Variants in CIBAR1 observed in about 807,000 individuals in gnomAD.
CIBAR1 encodes CBY1 interacting BAR domain containing 1, also known as CBY1-interacting BAR domain-containing protein 1.
In CIBAR1, 25 loss-of-function variants were observed where a neutral mutation model predicts 44.0. The observed-to-expected ratio is 0.57, with a 90% CI of 0.41 to 0.79. The LOEUF is 0.79. CIBAR1 is among the 30% of genes least tolerant of loss of function. CIBAR1 has a pLI of 0.00. For synonymous variants in CIBAR1, 115 were observed against 119.0 expected, an observed-to-expected ratio of 0.97 and a Z score of 0.22; for missense variants, 278 against 344.8, an observed-to-expected ratio of 0.81 and a Z score of 1.53.
chr8:93,702,382 A>C (rs971335985), intron 2 of CIBAR1: 1 of 387,952 alleles, frequency 2.6e-6, no homozygotes, highest in Non-Finnish European at 5.1e-6. Flanking sequence ...TTATATTCAC[A>C]GGTAATCCTA....
At chr8:93,701,184 T>C in intron 1 of CIBAR1, 40 bp from the exon 2 acceptor site, 1 of 1,585,194 alleles carries the variant, frequency 6.3e-7, no homozygotes, top group Non-Finnish European at 8.6e-7. Context: ...TTCTCATCTC[T>C]AACGAGAATG....
chr8:93,727,082 C>T (rs1477161772), intron 8 of CIBAR1: 6 of 625,508 alleles, frequency 9.6e-6, no homozygotes, highest in Non-Finnish European at 1.6e-5. Flanking sequence ...TTAAGTAACA[C>T]ATAAAGCAGT....
Position 93,728,597 on chromosome 8 carries a change from A to G in CIBAR1, c.*300A>G, listed in dbSNP as rs1401019205. 1 of 188,466 alleles carries G rather than the reference A, an allele frequency of 5.3e-6. No individual in the cohort carries two copies. Among genetic ancestry groups the G allele is most frequent in the Non-Finnish European group, 1.1e-5 (1 of 92,490 alleles). 11.7% of individuals were successfully genotyped at this position (188,466 alleles called of 1,614,324 possible). A position where few individuals can be genotyped will look rare whatever the true frequency, so the allele number is the denominator to read the frequency against. ...TATCTACTTGAAGTTCCAATAGTAC[A>G]TTATGACAGAAACCAAAAGATCTAA... On this transcript the variant is annotated 3_prime_UTR_variant, in exon 9 of 9. Coordinates refer to ENST00000518322, the MANE Select transcript of CIBAR1 (RefSeq NM_145269.5).
chr8:93,703,277 G>A (rs1226941013), intron 2 of CIBAR1, among the ~76,000 whole-genome samples: 1 of 152,182 alleles, frequency 6.6e-6, no homozygotes, highest in Non-Finnish European at 1.5e-5. Flanking sequence ...TTACAGTTCA[G>A]AGATAATATA....
At chr8:93,718,278 T>C (rs1018413465) in intron 6 of CIBAR1, among the ~76,000 whole-genome samples, 6 of 152,260 alleles carry the variant, frequency 3.9e-5, no homozygotes, top group African/African-American at 1.4e-4. Flanking sequence ...GTTCTCCTGT[T>C]TAAACATCAG....
Position 93,705,001 on chromosome 8 carries a change from A to C in CIBAR1, c.423A>C (p.Arg141=). The C allele has an allele frequency of 6.2e-7, 1 of 1,611,006 alleles. No individual in the cohort carries two copies. ...CACGTCAGCGAAACCCATCTGATCG[A>C]CATGTTATTGTATCCTTTGAATTTG... The part of the protein sequence containing the change: ...ERTRQRNPSD[R]HVISQAETEL... The change falls in exon 4 of 9, where the codon CGA becomes CGC. Residue 141 remains arginine (R), a synonymous_variant. Coordinates refer to ENST00000518322, the MANE Select transcript of CIBAR1 (RefSeq NM_145269.5).
chr8:93,718,717 G>T lies in CIBAR1; in HGVS notation c.586G>T (p.Gly196Cys). The T allele has an allele frequency of 6.4e-7, 1 of 1,561,578 alleles. No homozygotes were observed. Among genetic ancestry groups the T allele is most frequent in the South Asian group, 1.2e-5 (1 of 81,864 alleles). Residue 196 changes from glycine to cysteine, a missense_variant, in exon 7 of 9, where the codon GGC (glycine) becomes TGC (cysteine). Physicochemically the swap from Gly to Cys is radical, Grantham distance 159. Coordinates refer to ENST00000518322, the MANE Select transcript of CIBAR1 (RefSeq NM_145269.5). Reference protein sequence around the residue: ...EFITIEMLFHGKALEVYTAAY... With the variant: ...EFITIEMLFHCKALEVYTAAY... ...TATCACAATCGAAATGTTATTTCAC[G>T]GCAAAGCTTTAGAGGTCTACACTGC...
chr8:93,701,406 T>A lies in CIBAR1; in HGVS notation c.209T>A (p.Leu70Gln), dbSNP rs767629986. Residue 70 changes from leucine (L) to glutamine (Q), a missense_variant, in exon 2 of 9, where the codon CTG becomes CAG. This residue lies in a region of CIBAR1 where 183 missense variants were observed against 218.6 expected (regional missense o/e 0.84). Coordinates refer to ENST00000518322, the MANE Select transcript of CIBAR1 (RefSeq NM_145269.5). Reference protein sequence around the residue: ...ATETPHLKLGLMNFADEFAKL... With the variant: ...ATETPHLKLGQMNFADEFAKL... The stretch of plus-strand genomic sequence containing the variant: ...GAGACCCCGCATTTAAAGCTGGGCC[T>A]GATGAACTTTGCAGATGAGTTTGCC... The A allele has an allele frequency of 1.9e-6, 3 of 1,613,748 alleles. No homozygotes were observed. The Admixed American group carries it at 5.0e-5, about 27-fold the overall frequency.
At chr8:93,701,820 G>A (rs1257775449) in intron 2 of CIBAR1, 6 of 229,054 alleles carry the variant, frequency 2.6e-5, no homozygotes, top group African/African-American at 4.6e-5. Flanking sequence ...AATGACTGGA[G>A]ATGGAAATGT....
chr8:93,713,251 G>A (rs563187546), intron 6 of CIBAR1, among the ~76,000 whole-genome samples: 306 of 151,212 alleles, frequency 2.0e-3, no homozygotes, highest in African/African-American at 7.1e-3. Context: ...CAGGCTGGTC[G>A]TGAACTCCTG....
At chr8:93,710,595 A>C (rs1052995718) in intron 6 of CIBAR1, among the ~76,000 whole-genome samples, 3 of 152,138 alleles carry the variant, frequency 2.0e-5, no homozygotes, top group Non-Finnish European at 4.4e-5. Context: ...GCACTTTGGG[A>C]AGCTAAGGCG....
Position 93,701,575 on chromosome 8 carries a change from T to A in CIBAR1, c.261+117T>A, listed in dbSNP as rs1174927696. On this transcript the variant is annotated intron_variant, in intron 2 of 8. Coordinates refer to ENST00000518322, the MANE Select transcript of CIBAR1 (RefSeq NM_145269.5). ...ACTGCAGAGGTGGATGCAAACTTGA[T>A]AAAACGTACATTTTCATAAGACTGT... The A allele has an allele frequency of 5.1e-6, 4 of 791,224 alleles. No individual in the cohort carries two copies. In the African/African-American group the frequency reaches 7.0e-5, roughly 14 times the overall value. The allele number at this position is 791,224 out of a possible 1,614,324, so 49.0% of individuals were successfully genotyped here.
chr8:93,703,480 T>TA (rs759630257), intron 2 of CIBAR1, 140 bp from the exon 3 acceptor site: 10 of 537,976 alleles, frequency 1.9e-5, no homozygotes, highest in Non-Finnish European at 3.2e-5. Context: ...TTTCTACTTT[T>TA]ACTATTACTG....
Position 93,730,063 on chromosome 8 carries a change from CAA to C in CIBAR1, c.*1770_*1771del, listed in dbSNP as rs1271530305. ...TTTCTTTGAGCATCATGTTGGCACT[CAA>C]AAAGTTTGTGATTTTCGGAGCATGT... is the stretch of plus-strand genomic sequence containing the variant. On this transcript the variant is annotated 3_prime_UTR_variant, in exon 9 of 9. Coordinates refer to ENST00000518322, the MANE Select transcript of CIBAR1 (RefSeq NM_145269.5). 2 of 152,132 alleles carry C rather than the reference CAA, an allele frequency of 1.3e-5. No homozygotes were observed. The highest frequency in any genetic ancestry group is 2.9e-5 in the Non-Finnish European group (2 of 68,038). The allele number at this position is 152,132 out of a possible 1,614,324, so 9.4% of individuals were successfully genotyped here.
chr8:93,700,777 T>C (rs1269926647), intron 1 of CIBAR1, 104 bp downstream of exon 1: 1 of 1,372,652 alleles, frequency 7.3e-7, no homozygotes, highest in Non-Finnish European at 9.4e-7. Context: ...ATTCCGACCC[T>C]GAGTGGGAGG....
In CIBAR1 at chr8:93,701,461, A is replaced by G. The variant is rs1244363584; in HGVS notation, c.261+3A>G. 1 of 1,610,558 alleles carries G rather than the reference A, an allele frequency of 6.2e-7. No homozygotes were observed. The highest frequency in any genetic ancestry group is 1.7e-5 in the Admixed American group (1 of 59,588). ...TTCAGGATTATCGACAAGCAGAGGT[A>G]TGGAGTGAGATCACAGTGTCATTGT... is the stretch of plus-strand genomic sequence containing the variant. On this transcript the variant is annotated splice_donor_region_variant and intron_variant, in intron 2 of 8. Transcript: ENST00000518322.
chr8:93,707,398 GCTT>G (rs1810639020), intron 4 of CIBAR1: 9 of 203,670 alleles, frequency 4.4e-5, no homozygotes, highest in Middle Eastern at 9.7e-4. Context: ...GTTTCCCCAT[GCTT>G]CCCTGATTTA....
At chr8:93,701,038 T>A in intron 1 of CIBAR1, 186 bp from the exon 2 acceptor site, 1 of 1,446,352 alleles carries the variant, frequency 6.9e-7, no homozygotes, top group Middle Eastern at 2.4e-4. Context: ...TTCCTGTGCC[T>A]ACACAGTCCG....
chr8:93,726,267 T>A lies in CIBAR1; in HGVS notation c.658-127T>A, dbSNP rs970064887. The A allele has an allele frequency of 4.9e-5, 37 of 758,132 alleles. No homozygotes were observed. The African/African-American group carries it at 5.5e-4, about 11-fold the overall frequency. 47.0% of individuals were successfully genotyped at this position (758,132 alleles called of 1,614,324 possible). A position where few individuals can be genotyped will look rare whatever the true frequency, so the allele number is the denominator to read the frequency against. On this transcript the variant is annotated intron_variant, in intron 7 of 8. Transcript: ENST00000518322. ...GTTGTCTTTTCTTTTACATTTACAA[T>A]AATTGGAATTTTGTCCATTTGGGGG...
Sources: allele counts gnomAD v4.1 joint callset (sites outside exome capture counted in the v4.1 genomes callset), GRCh38; gene constraint gnomAD v4.1.1; regional missense constraint gnomAD v4.1.1; transcripts MANE v1.5; gene names NCBI Gene and HGNC (gene_info 2026-07-23, HGNC 2026-07-21).